The following ECM2 variants were observed in gnomAD, a reference collection of about 807,000 sequenced individuals.
ECM2 encodes the protein extracellular matrix protein 2.
ECM2 carries 57 observed loss-of-function variants against 67.5 expected under a neutral mutation model. The ratio of observed to expected loss-of-function variants is 0.84; its 90% CI spans 0.68 to 1.05. ECM2 has a LOEUF of 1.05. Ranked by LOEUF, ECM2 falls within the 50% of genes least tolerant of loss-of-function variation. The probability of loss-of-function intolerance (pLI) is 0.00; values close to 1 mark genes in which losing one functional copy is unlikely to be tolerated. For synonymous variants in ECM2, 258 were observed against 294.5 expected, an observed-to-expected ratio of 0.88 and a Z score of 1.27; for missense variants, 741 against 822.8, an observed-to-expected ratio of 0.90 and a Z score of 1.22.
Position 92,500,955 on chromosome 9 carries a change from A to G in ECM2, c.1703T>C (p.Ile568Thr), listed in dbSNP as rs780400206. 16 of 1,614,200 alleles carry G rather than the reference A, an allele frequency of 9.9e-6. No homozygotes were observed. The highest frequency in any genetic ancestry group is 3.3e-5 in the Admixed American group (2 of 60,024). ...LLHLVLLGNQ[I>T]ERIPGYVFGH... Reference sequence around the variant, plus strand: ...AAACACATAGCCAGGGATCCGTTCAATCTGGTTCCCAAGGAGTACTAGGTG... The same window carrying G: ...AAACACATAGCCAGGGATCCGTTCAGTCTGGTTCCCAAGGAGTACTAGGTG... Residue 568 changes from isoleucine (I) to threonine (T), a missense_variant, in exon 9 of 10, where the codon ATT (isoleucine) becomes ACT (threonine). Ile to Thr is a moderately conservative substitution (Grantham distance 89). Coordinates refer to ENST00000344604, the MANE Select transcript of ECM2 (RefSeq NM_001393.4).
upstream of ECM2, among the ~76,000 whole-genome samples, chr9:92,539,949 T>C (rs1475725574): frequency 6.6e-6 from 1 of 152,204 alleles, no homozygotes; most frequent in Non-Finnish European, 1.5e-5. Context: ...AAAAAGGTTA[T>C]AGTAAATAAT....
At chr9:92,501,517 T>C (rs1199833775) in intron 8 of ECM2, among the ~76,000 whole-genome samples, 4 of 152,200 alleles carry the variant, frequency 2.6e-5, no homozygotes, top group African/African-American at 9.7e-5. Flanking sequence ...CACATTTGAT[T>C]TGATGACCTG....
the ECM2 span, among the ~76,000 whole-genome samples, chr9:92,547,966 AAAG>A: frequency 3.3e-5 from 5 of 152,236 alleles, no homozygotes; most frequent in East Asian, 9.6e-4. Flanking sequence ...TTATGGGAAA[AAAG>A]AAGTAAAGGA....
chr9:92,552,105 CAT>C, the ECM2 span, among the ~76,000 whole-genome samples: 199 of 113,118 alleles, frequency 1.8e-3, no homozygotes, highest in Middle Eastern at 4.8e-3. Context: ...ATAGATCTAT[CAT>C]ATATATGTGA....
At chr9:92,542,855 A>G in the ECM2 span, among the ~76,000 whole-genome samples, 6 of 152,166 alleles carry the variant, frequency 3.9e-5, no homozygotes, top group South Asian at 4.1e-4. Flanking sequence ...TAGATCTTAC[A>G]TTTAATTCAT....
At chr9:92,514,098 C>T (rs2131203913) in intron 4 of ECM2, among the ~76,000 whole-genome samples, 1 of 148,746 alleles carries the variant, frequency 6.7e-6, no homozygotes, top group Non-Finnish European at 1.5e-5. Flanking sequence ...AAAATACAGT[C>T]TTCACAGAGC....
At chr9:92,521,121 T>C (rs1848041601) in intron 2 of ECM2, among the ~76,000 whole-genome samples, 2 of 152,222 alleles carry the variant, frequency 1.3e-5, no homozygotes, top group Admixed American at 1.3e-4. Flanking sequence ...TGTGTGGTGA[T>C]ACAATCAAAA....
At chr9:92,525,531 C>T (rs1326068240) in intron 1 of ECM2, among the ~76,000 whole-genome samples, 3 of 152,076 alleles carry the variant, frequency 2.0e-5, no homozygotes, top group East Asian at 3.9e-4. Context: ...CATAGCATAA[C>T]GCATTACTCA....
the ECM2 span, among the ~76,000 whole-genome samples, chr9:92,547,171 T>TA: frequency 1.3e-5 from 2 of 152,202 alleles, no homozygotes; most frequent in South Asian, 4.1e-4. Context: ...AAATTTTTGA[T>TA]AAAATTCAAC....
In ECM2 at chr9:92,522,710, GCTGT is replaced by G. The variant is rs1848154169; in HGVS notation, c.153_156del (p.Arg51SerfsTer13). 1 of 1,614,036 alleles carries G rather than the reference GCTGT, an allele frequency of 6.2e-7. No individual in the cohort carries two copies. Among genetic ancestry groups the G allele is most frequent in the African/African-American group, 1.3e-5 (1 of 74,930 alleles). On this transcript the variant is annotated frameshift_variant, in exon 2 of 10. Coordinates refer to ENST00000344604, the MANE Select transcript of ECM2 (RefSeq NM_001393.4). LOFTEE classifies it high-confidence loss of function. ...AAAACTGTTGTTTGCTGAATTCCAA[GCTGT>G]CTGTTTGATCTGTGCTTGTGTGAGG...
At chr9:92,517,919 A>T (rs768917716) in intron 2 of ECM2, 44 bp from the exon 3 acceptor site, 3 of 1,609,150 alleles carry the variant, frequency 1.9e-6, no homozygotes, top group Non-Finnish European at 2.5e-6. Flanking sequence ...TTATGTGATT[A>T]TCAGTAACTG....
rs376333101 is a variant in ECM2, at chr9:92,505,589, G to T, written c.1408C>A (p.Arg470Ser). ...FKPLKSLAYL[R>S]LGKNKFRIIP... ...ATTCTAAATTTATTTTTTCCCAGAC[G>T]CAAGTAGGCTAGGCTCTTCAAAGGT... The change falls in exon 7 of 10, where the codon CGT (arginine) becomes AGT (serine). Residue 470 changes from arginine to serine, a missense_variant. Arg to Ser is a moderately radical substitution (Grantham distance 110, BLOSUM62 -1). Coordinates refer to ENST00000344604, the MANE Select transcript of ECM2 (RefSeq NM_001393.4). 3 of 1,608,764 alleles carry T rather than the reference G, an allele frequency of 1.9e-6. No homozygotes were observed. The South Asian group carries it at 3.4e-5, about 18-fold the overall frequency.
chr9:92,523,669 A>C (rs1848212680), intron 1 of ECM2, among the ~76,000 whole-genome samples: 1 of 152,200 alleles, frequency 6.6e-6, no homozygotes. Context: ...GTTTAAATGA[A>C]TCTCCTTTGT....
At chr9:92,524,693 A>T (rs982570310) in intron 1 of ECM2, among the ~76,000 whole-genome samples, 4 of 152,216 alleles carry the variant, frequency 2.6e-5, no homozygotes, top group African/African-American at 4.8e-5. Flanking sequence ...TATGGAGGAG[A>T]AACTAAAACC....
chr9:92,501,712 C>T (rs1165509389), intron 8 of ECM2, among the ~76,000 whole-genome samples: 1 of 152,184 alleles, frequency 6.6e-6, no homozygotes, highest in Non-Finnish European at 1.5e-5. Flanking sequence ...GGGCTCAGTG[C>T]CACATGCTGC....
intron 1 of ECM2, among the ~76,000 whole-genome samples, chr9:92,533,197 A>G (rs10123738): frequency 0.46 from 68,346 of 147,342 alleles, 18,146 homozygotes; most frequent in African/African-American, 0.72. Context: ...ATACTCAGGA[A>G]GCTGAGGCAG....
intron 9 of ECM2, among the ~76,000 whole-genome samples, chr9:92,498,207 G>A (rs1846467511): frequency 1.3e-5 from 2 of 152,292 alleles, no homozygotes; most frequent in Middle Eastern, 3.4e-3. Flanking sequence ...GTATATGTAT[G>A]TAGGCTTTTG....
chr9:92,526,322 A>G (rs1848408263), intron 1 of ECM2, among the ~76,000 whole-genome samples: 1 of 152,254 alleles, frequency 6.6e-6, no homozygotes, highest in African/African-American at 2.4e-5. Context: ...CAACTGTACA[A>G]TGTATTTGTG....
At chr9:92,545,425 C>A in the ECM2 span, among the ~76,000 whole-genome samples, 1 of 152,138 alleles carries the variant, frequency 6.6e-6, no homozygotes, top group South Asian at 2.1e-4. Flanking sequence ...TCGGGTACCC[C>A]AGCAGTGCCG....
Sources: gnomAD v4.1 joint callset for allele counts (sites outside exome capture counted in the v4.1 genomes callset) on GRCh38, gnomAD v4.1.1 for gene constraint, MANE v1.5 for transcripts, NCBI Gene and HGNC (gene_info 2026-07-23, HGNC 2026-07-21) for gene names.